ELOVL4: variants seen among roughly 807,000 people sequenced by gnomAD.
ELOVL4 encodes the protein ELOVL fatty acid elongase 4, also known as very long chain fatty acid elongase 4.
In ELOVL4, 18 loss-of-function variants were observed where a neutral mutation model predicts 42.1. That is an observed-to-expected ratio of 0.43 (90% CI 0.30 to 0.63). The LOEUF (loss-of-function observed/expected upper bound fraction) is 0.63. Ranked by LOEUF, ELOVL4 falls within the 30% of genes least tolerant of loss-of-function variation. The pLI, the probability that ELOVL4 is intolerant of heterozygous loss-of-function variation, is 0.15. For synonymous variants in ELOVL4, 117 were observed against 127.0 expected, an observed-to-expected ratio of 0.92 and a Z score of 0.53; for missense variants, 299 against 376.2, an observed-to-expected ratio of 0.79 and a Z score of 1.70.
At chr6:79,922,550 T>G (rs1021864997) in intron 3 of ELOVL4, among the ~76,000 whole-genome samples, 1 of 152,214 alleles carries the variant, frequency 6.6e-6, no homozygotes, top group Non-Finnish European at 1.5e-5. Context: ...TTTACAAGAA[T>G]CCTACTGTAA....
intron 4 of ELOVL4, 46 bp from the exon 5 acceptor site, chr6:79,919,593 A>C: frequency 6.3e-7 from 1 of 1,577,498 alleles, no homozygotes; most frequent in East Asian, 2.2e-5. Context: ...AAATTTTATT[A>C]GGCAGTAAGC....
At chr6:79,918,481 A>G (rs1774196778) in intron 5 of ELOVL4, among the ~76,000 whole-genome samples, 1 of 152,184 alleles carries the variant, frequency 6.6e-6, no homozygotes, top group Admixed American at 6.5e-5. Context: ...CAGCTTTTAC[A>G]CAAAAACTGG....
intron 1 of ELOVL4, among the ~76,000 whole-genome samples, chr6:79,933,673 G>A (rs1774493918): frequency 6.6e-6 from 1 of 152,140 alleles, no homozygotes; most frequent in African/African-American, 2.4e-5. Context: ...AGAATCATGT[G>A]CTTGCTAAAA....
In ELOVL4 at chr6:79,943,973, C is replaced by G. The variant is rs541120997; in HGVS notation, c.100+3207G>C. ...GGGCCAATGCCAATCATTACCACCCCCAACCAACAGACAGCACCCATACCC... is the reference window on the plus strand; with the variant it reads ...GGGCCAATGCCAATCATTACCACCCGCAACCAACAGACAGCACCCATACCC... On this transcript the variant is annotated intron_variant, in intron 1 of 5. Coordinates refer to ENST00000369816, the MANE Select transcript of ELOVL4 (RefSeq NM_022726.4). Among the ~76,000 whole-genome samples the G allele has an allele frequency of 2.6e-5, 4 of 152,266 alleles. No individual in the cohort carries two copies. The South Asian group carries it at 8.3e-4, about 32-fold the overall frequency.
intron 1 of ELOVL4, among the ~76,000 whole-genome samples, chr6:79,931,117 T>C (rs1418715139): frequency 6.6e-6 from 1 of 152,118 alleles, no homozygotes; most frequent in Non-Finnish European, 1.5e-5. Context: ...ATGACACAAA[T>C]ATAAATGGAC....
rs2127703489 is a variant in ELOVL4, at chr6:79,947,082, C to T, written c.100+98G>A. On this transcript the variant is annotated intron_variant, in intron 1 of 5. Coordinates refer to ENST00000369816, the MANE Select transcript of ELOVL4 (RefSeq NM_022726.4). ...TCCGCAGCATCCGAAAGCCGCAGGG[C>T]GCGGGGGCCTGTGGGGCCGGGCCCG... The T allele has an allele frequency of 4.0e-6, 4 of 995,128 alleles. No homozygotes were observed. In the East Asian group the frequency reaches 7.8e-5, roughly 19 times the overall value. 61.6% of individuals were successfully genotyped at this position (995,128 alleles called of 1,614,324 possible). A position where few individuals can be genotyped will look rare whatever the true frequency, so the allele number is the denominator to read the frequency against.
At chr6:79,942,114 T>C (rs147953459) in intron 1 of ELOVL4, among the ~76,000 whole-genome samples, 1 of 152,170 alleles carries the variant, frequency 6.6e-6, no homozygotes, top group African/African-American at 2.4e-5. Context: ...AGGGGAATGG[T>C]GGGATGAGAA....
At chr6:79,918,998 A>G (rs1161382973) in intron 5 of ELOVL4, among the ~76,000 whole-genome samples, 2 of 152,218 alleles carry the variant, frequency 1.3e-5, no homozygotes, top group Non-Finnish European at 2.9e-5. Context: ...AAGACTGAAA[A>G]ATGAAATAAA....
chr6:79,935,131 T>C (rs1453431809), intron 1 of ELOVL4, among the ~76,000 whole-genome samples: 1 of 152,190 alleles, frequency 6.6e-6, no homozygotes, highest in African/African-American at 2.4e-5. Context: ...TGTAATCTAA[T>C]AGTTTTCAAC....
At chr6:79,930,786 A>G (rs1196932488) in intron 1 of ELOVL4, among the ~76,000 whole-genome samples, 11 of 152,202 alleles carry the variant, frequency 7.2e-5, no homozygotes, top group Non-Finnish European at 1.6e-4. Flanking sequence ...TTAAAAATAT[A>G]TATTAATATT....
Position 79,919,405 on chromosome 6 carries a change from A to T in ELOVL4, c.669+15T>A, listed in dbSNP as rs1356238330. ...AGTATTTTACCAGAAGAAACTTTGG[A>T]AGCATTTAACTCACCAGTTGCAACA... On this transcript the variant is annotated intron_variant, in intron 5 of 5. Coordinates refer to ENST00000369816, the MANE Select transcript of ELOVL4 (RefSeq NM_022726.4). The T allele has an allele frequency of 1.9e-6, 3 of 1,613,400 alleles. No homozygotes were observed. Among genetic ancestry groups the T allele is most frequent in the Non-Finnish European group, 2.5e-6 (3 of 1,179,584 alleles).
rs555293213 is a variant in ELOVL4, at chr6:79,939,718, T to C, written c.100+7462A>G. Among the ~76,000 whole-genome samples, 7 of 152,150 alleles carry C rather than the reference T, an allele frequency of 4.6e-5. No homozygotes were observed. The South Asian group carries it at 1.5e-3, about 32-fold the overall frequency. ...TTTAATATTTTTTTGTTGCTCATGT[T>C]GGTCTTGAACTCCTGGGCTCAAGTG... On this transcript the variant is annotated intron_variant, in intron 1 of 5. Transcript: ENST00000369816.
chr6:79,923,589 A>T (rs1020500472), intron 3 of ELOVL4, among the ~76,000 whole-genome samples: 2 of 152,128 alleles, frequency 1.3e-5, no homozygotes, highest in African/African-American at 4.8e-5. Flanking sequence ...TTCATAGCCA[A>T]TACATCTGAG....
At chr6:79,928,910 T>C (rs1349578537) in intron 1 of ELOVL4, among the ~76,000 whole-genome samples, 1 of 151,904 alleles carries the variant, frequency 6.6e-6, no homozygotes, top group Non-Finnish European at 1.5e-5. Flanking sequence ...ATGTTCATTC[T>C]TTTTTATATA....
At chr6:79,930,304 A>G (rs191640254) in intron 1 of ELOVL4, among the ~76,000 whole-genome samples, 2 of 152,150 alleles carry the variant, frequency 1.3e-5, no homozygotes, top group East Asian at 1.9e-4. Context: ...ACCCTTCTCA[A>G]ATTAGCCCTT....
Position 79,921,650 on chromosome 6 carries a change from TC to T in ELOVL4, c.515del (p.Gly172GlufsTer16). Reference sequence around the variant, plus strand: ...CTTGTCCTCCTGCAACCCACTTAATTCCAATCCACCACAAGGTAAACATCGT... The same window carrying T: ...CTTGTCCTCCTGCAACCCACTTAATTCAATCCACCACAAGGTAAACATCGT... ...HCTMFTLWWI[G>X]IKWVAGGQAF... On this transcript the variant is annotated frameshift_variant, in exon 4 of 6. Transcript: ENST00000369816. LOFTEE classifies it high-confidence loss of function. 6.2e-7 allele frequency: 1 copy of T among 1,613,888 alleles called. No homozygotes were observed. Among genetic ancestry groups the T allele is most frequent in the Non-Finnish European group, 8.5e-7 (1 of 1,179,964 alleles).
In ELOVL4 at chr6:79,924,051, T is replaced by C. The variant is rs937156463; in HGVS notation, c.369+901A>G. On this transcript the variant is annotated intron_variant, in intron 3 of 5. Transcript: ENST00000369816. The stretch of plus-strand genomic sequence containing the variant: ...GTAATTTCTAGTATGAACCACAGTA[T>C]ATAAGAAGAGTTCAATAAATACGTA... Among the ~76,000 whole-genome samples the C allele has an allele frequency of 3.3e-5, 5 of 152,330 alleles. No homozygotes were observed. In the South Asian group the frequency reaches 6.2e-4, roughly 19 times the overall value.
At chr6:79,942,065 T>C (rs1774656406) in intron 1 of ELOVL4, among the ~76,000 whole-genome samples, 1 of 152,008 alleles carries the variant, frequency 6.6e-6, no homozygotes. Context: ...TGGTAAAAGG[T>C]ATCTGGAGAG....
chr6:79,923,648 AG>A (rs1774295570), intron 3 of ELOVL4, among the ~76,000 whole-genome samples: 2 of 152,114 alleles, frequency 1.3e-5, no homozygotes, highest in Admixed American at 6.5e-5. Flanking sequence ...TTTCCTCCTT[AG>A]TCATTTGTTT....
Sources: gnomAD v4.1 joint callset for allele counts (sites outside exome capture counted in the v4.1 genomes callset) on GRCh38, gnomAD v4.1.1 for gene constraint, MANE v1.5 for transcripts, NCBI Gene and HGNC (gene_info 2026-07-23, HGNC 2026-07-21) for gene names.